SPSB1: variants seen among roughly 807,000 people sequenced by gnomAD.
SPSB1 encodes SPRY domain-containing SOCS box protein 1.
SPSB1 carries 8 observed loss-of-function variants against 21.2 expected under a neutral mutation model. That is an observed-to-expected ratio of 0.38 (90% confidence interval 0.22 to 0.68). The LOEUF (loss-of-function observed/expected upper bound fraction) is 0.68, where lower values mean the gene tolerates loss of function less well. Ranked by LOEUF, SPSB1 falls within the 30% of genes least tolerant of loss-of-function variation. The pLI is 0.53. For synonymous variants in SPSB1, 169 were observed against 161.7 expected (o/e 1.05, Z -0.34); for missense variants, 242 against 377.8 (o/e 0.64, Z 2.98).
chr1:9,344,657 A>C (rs1416300295), intron 1 of SPSB1, among the ~76,000 whole-genome samples: 1 of 151,602 alleles, frequency 6.6e-6, no homozygotes. Flanking sequence ...TGGTGACATC[A>C]TGAACGCTGC....
At chr1:9,339,857 G>T (rs1408137163) in intron 1 of SPSB1, among the ~76,000 whole-genome samples, 2 of 152,228 alleles carry the variant, frequency 1.3e-5, no homozygotes, top group African/African-American at 4.8e-5. Context: ...TCCTTCCGTG[G>T]CACAGGTCGG....
rs1639781385 is a variant in SPSB1 at position 9,324,556 on chromosome 1, AG to A, written c.-149-31182del. 1.3e-5 allele frequency among the ~76,000 whole-genome samples: 2 copies of A among 151,934 alleles called. No individual in the cohort carries two copies. Among genetic ancestry groups the A allele is most frequent in the South Asian group, 2.1e-4 (1 of 4,792 alleles). Reference sequence around the variant, plus strand: ...GATGAGGAAACCAGCTTGGGTGGGGAGGGGGAGTCAAGACAAAAGCCTGGTT... The same window carrying A: ...GATGAGGAAACCAGCTTGGGTGGGGAGGGGAGTCAAGACAAAAGCCTGGTT... On this transcript the variant is annotated intron_variant, in intron 1 of 2. Transcript: ENST00000328089. The surrounding 1 kb of genome is among the most constrained non-coding windows in gnomAD (Gnocchi z 4.3).
chr1:9,362,491 G>A (rs1279938165), intron 2 of SPSB1, among the ~76,000 whole-genome samples: 1 of 152,250 alleles, frequency 6.6e-6, no homozygotes, highest in Non-Finnish European at 1.5e-5. Context: ...GTCCTGGAGC[G>A]TGGTCCCCAC....
At chr1:9,351,357 AGAACAGTGATCTTT>A (rs1206472565) in intron 1 of SPSB1, 3 of 152,318 alleles carry the variant, frequency 2.0e-5, no homozygotes, top group African/African-American at 7.2e-5. Flanking sequence ...GGAAGACAGG[AGAACAGTGATCTTT>A]GATCAGTGAA....
In SPSB1 at chr1:9,317,784, GAA is replaced by G; in HGVS notation, c.-150+24716_-150+24717del. Reference sequence around the variant, plus strand: ...AGGCGTGAGTCACCGTGCCTGGCCAGAAAAGACAGTTTCAGAGCCTTATGTAG... The same window carrying G: ...AGGCGTGAGTCACCGTGCCTGGCCAGAAGACAGTTTCAGAGCCTTATGTAG... On this transcript the variant is annotated intron_variant, in intron 1 of 2. Transcript: ENST00000328089. This position sits in a 1 kb window ranked among gnomAD's most constrained non-coding sequence, Gnocchi z 4.3. 6.6e-6 allele frequency among the ~76,000 whole-genome samples: 1 copy of G among 151,874 alleles called. No individual in the cohort carries two copies. The highest frequency in any genetic ancestry group is 1.9e-4 in the East Asian group (1 of 5,164).
intron 2 of SPSB1, among the ~76,000 whole-genome samples, chr1:9,362,826 C>T (rs568066515): frequency 3.9e-5 from 6 of 152,376 alleles, no homozygotes; most frequent in Non-Finnish European, 5.9e-5. Flanking sequence ...CCAGAAATAG[C>T]GCCTGATTGA....
intron 1 of SPSB1, among the ~76,000 whole-genome samples, chr1:9,301,749 G>A (rs916063734): frequency 2.0e-5 from 3 of 152,168 alleles, no homozygotes; most frequent in African/African-American, 4.8e-5. Context: ...CACCAAAGCC[G>A]ACCTGGCTAT....
At chr1:9,312,024 C>T (rs1393356995) in intron 1 of SPSB1, among the ~76,000 whole-genome samples, 1 of 152,172 alleles carries the variant, frequency 6.6e-6, no homozygotes, top group Admixed American at 6.5e-5. Context: ...GTCTCTGTCA[C>T]CCAGGCTGGA....
intron 1 of SPSB1, among the ~76,000 whole-genome samples, chr1:9,333,049 C>T (rs1359635969): frequency 2.0e-5 from 3 of 152,218 alleles, no homozygotes; most frequent in African/African-American, 7.2e-5. Context: ...TCGTGGGCTG[C>T]GTCAGGCACC....
chr1:9,359,846 C>CTG (rs1220143426), intron 2 of SPSB1, among the ~76,000 whole-genome samples: 1 of 37,458 alleles, frequency 2.7e-5, no homozygotes, highest in Non-Finnish European at 6.5e-5. Context: ...AGGATGGAAG[C>CTG]CGGGGGGGTG....
At position 9,355,730 on chromosome 1, in the gene SPSB1, T is replaced by C. The variant is rs1190255044; in HGVS notation, c.-149-13T>C. 7.3e-7 allele frequency: 1 copy of C among 1,362,444 alleles called. No individual in the cohort carries two copies. Among genetic ancestry groups the C allele is most frequent in the Non-Finnish European group, 9.5e-7 (1 of 1,056,530 alleles). The allele number at this position is 1,362,444 out of a possible 1,614,324, so 84.4% of individuals were successfully genotyped here. Reference sequence around the variant, plus strand: ...AGTCCTGCTCACCGGTTGTTTGTCTTTCCGTCCATTAGGCAATACTGAACA... The same window carrying C: ...AGTCCTGCTCACCGGTTGTTTGTCTCTCCGTCCATTAGGCAATACTGAACA... On this transcript the variant is annotated splice_polypyrimidine_tract_variant and intron_variant, in intron 1 of 2. Transcript: ENST00000328089.
At chr1:9,307,098 T>G (rs528361374) in intron 1 of SPSB1, among the ~76,000 whole-genome samples, 162 of 152,146 alleles carry the variant, frequency 1.1e-3, no homozygotes, top group Middle Eastern at 6.8e-3. Flanking sequence ...TGGCTAATTT[T>G]TGTATTTTTA....
intron 1 of SPSB1, among the ~76,000 whole-genome samples, chr1:9,353,899 C>G (rs1439758130): frequency 7.0e-6 from 1 of 142,694 alleles, no homozygotes; most frequent in East Asian, 2.1e-4. Flanking sequence ...GCCTGGGCAA[C>G]AAGAGCAAAA....
At chr1:9,359,696 C>T (rs578114880) in intron 2 of SPSB1, among the ~76,000 whole-genome samples, 3 of 133,416 alleles carry the variant, frequency 2.2e-5, no homozygotes, top group Admixed American at 7.8e-5. Flanking sequence ...AGCAAGACTC[C>T]GTCTCTGGGA....
rs57871457 is a variant in SPSB1 at position 9,361,156 on chromosome 1, C to CTTTTTTTTTTTTTTTTTTTTTTTTT, written c.694+4574_694+4598dup. 8.8e-5 allele frequency among the ~76,000 whole-genome samples: 9 copies of CTTTTTTTTTTTTTTTTTTTTTTTTT among 102,578 alleles called. 1 individual carries two copies. The highest frequency in any genetic ancestry group is 3.3e-4 in the African/African-American group (8 of 24,200). The allele number at this position is 102,578 out of a possible 152,430, so 67.3% of individuals were successfully genotyped here. On this transcript the variant is annotated intron_variant, in intron 2 of 2. Transcript: ENST00000328089. ...CAGGCATGGCTGGATCTGTCATTTT[C>CTTTTTTTTTTTTTTTTTTTTTTTTT]TTTTTTTTTTTTTTTTTTTTTTTTT...
chr1:9,331,244 G>T (rs549290618), intron 1 of SPSB1, among the ~76,000 whole-genome samples: 10 of 148,318 alleles, frequency 6.7e-5, no homozygotes, highest in Admixed American at 6.1e-4. Flanking sequence ...CTGTGCACTC[G>T]ATTTGGAGTG....
At chr1:9,365,096 A>G (rs1569668234) in intron 2 of SPSB1, among the ~76,000 whole-genome samples, 1 of 152,148 alleles carries the variant, frequency 6.6e-6, no homozygotes, top group African/African-American at 2.4e-5. Context: ...CCCTCAGGTA[A>G]TGCGCCGGCC....
chr1:9,350,026 CAT>C (rs1640230938), intron 1 of SPSB1, among the ~76,000 whole-genome samples: 1 of 152,056 alleles, frequency 6.6e-6, no homozygotes, highest in Admixed American at 6.6e-5. Flanking sequence ...TATATACACA[CAT>C]GAAGACACAC....
chr1:9,322,471 C>T (rs901639067), intron 1 of SPSB1, among the ~76,000 whole-genome samples: 2 of 152,250 alleles, frequency 1.3e-5, no homozygotes, highest in African/African-American at 4.8e-5. Context: ...CCTGCACGAT[C>T]TGTCACCTAC....
Sources: gnomAD v4.1 joint callset for allele counts (sites outside exome capture counted in the v4.1 genomes callset) on GRCh38, gnomAD v4.1.1 for gene constraint, Gnocchi (gnomAD v3.1) non-coding constraint, MANE v1.5 for transcripts, NCBI Gene and HGNC (gene_info 2026-07-23, HGNC 2026-07-21) for gene names.